PTPRT: variants seen among roughly 807,000 people sequenced by gnomAD.
The protein encoded by PTPRT is protein tyrosine phosphatase receptor type T.
A neutral mutation model predicts 176.8 loss-of-function variants in PTPRT; 56 were observed. That is an observed-to-expected ratio of 0.32 (90% CI 0.26 to 0.40). The LOEUF (loss-of-function observed/expected upper bound fraction) is 0.40. Among genes scored for constraint, PTPRT ranks in the 10% least tolerant of loss-of-function variants. The pLI, the probability that PTPRT is intolerant of heterozygous loss-of-function variation, is 1.00. For missense variants in PTPRT, 1,540 were observed against 1,908.2 expected (o/e 0.81, Z 3.60); for synonymous variants, 783 against 739.0 (o/e 1.06, Z -0.96).
chr20:42,891,783 A>G (rs2079196986), intron 1 of PTPRT, among the ~76,000 whole-genome samples: 1 of 152,340 alleles, frequency 6.6e-6, no homozygotes, highest in African/African-American at 2.4e-5. Context: ...CAGGCACTGT[A>G]TTTGAACTAT....
chr20:42,616,480 C>T lies in PTPRT; in HGVS notation c.1153+61386G>A, dbSNP rs1456332144. On this transcript the variant is annotated intron_variant, in intron 7 of 30. Transcript: ENST00000373187. ...TTTTTTCCAATTCTGTGAAGAAAGG[C>T]ATTGGTAGCTTGATGGGGATGGCAT... Among the ~76,000 whole-genome samples the T allele has an allele frequency of 3.9e-5, 5 of 128,422 alleles. 1 individual carries two copies. The highest frequency in any genetic ancestry group is 1.8e-4 in the African/African-American group (5 of 27,960). The allele number at this position is 128,422 out of a possible 152,430, so 84.2% of individuals were successfully genotyped here.
At chr20:42,303,348 G>C (rs2145319244) in intron 12 of PTPRT, among the ~76,000 whole-genome samples, 1 of 152,300 alleles carries the variant, frequency 6.6e-6, no homozygotes, top group African/African-American at 2.4e-5. Context: ...GGTGTTTCAA[G>C]ATTGACTGAG....
At chr20:42,951,352 G>A (rs2146017544) in intron 1 of PTPRT, among the ~76,000 whole-genome samples, 1 of 151,742 alleles carries the variant, frequency 6.6e-6, no homozygotes, top group Admixed American at 6.6e-5. Context: ...ATGGGCAGAT[G>A]GATAGATGGA....
chr20:42,768,129 T>G (rs772295304), intron 5 of PTPRT, among the ~76,000 whole-genome samples: 1 of 151,890 alleles, frequency 6.6e-6, no homozygotes, highest in Non-Finnish European at 1.5e-5. Context: ...GATGGCACGA[T>G]ATAAACTGTG....
In PTPRT at chr20:42,106,880, G is replaced by A; in HGVS notation, c.3296C>T (p.Thr1099Ile). The A allele has an allele frequency of 2.5e-6, 4 of 1,614,158 alleles. No individual in the cohort carries two copies. Among genetic ancestry groups the A allele is most frequent in the Non-Finnish European group, 3.4e-6 (4 of 1,180,022 alleles). ...TTCATTCTCGGCCATGTCAAGCATGGTGTCAATGGCAATGAAGCAGCCAGT... is the reference window on the plus strand; with the variant it reads ...TTCATTCTCGGCCATGTCAAGCATGATGTCAATGGCAATGAAGCAGCCAGT... ...GRTGCFIAID[T>I]MLDMAENEGV... Residue 1099 changes from threonine to isoleucine, a missense_variant, in exon 24 of 31, where the codon ACC becomes ATC. Around this residue, in one of 11 missense-constraint regions of PTPRT, gnomAD observed 248 missense variants for 356.7 expected, o/e 0.70. Transcript: ENST00000373187.
intron 9 of PTPRT, among the ~76,000 whole-genome samples, chr20:42,374,817 A>C (rs1302249745): frequency 1.3e-5 from 2 of 152,228 alleles, no homozygotes; most frequent in African/African-American, 4.8e-5. Context: ...ATGGGGTTTT[A>C]TATATCTTTT....
At position 42,081,983 on chromosome 20, in the gene PTPRT, T is replaced by C. The variant is rs1191239330; in HGVS notation, c.4171A>G (p.Ile1391Val). ...TGGATCATCTCACACACACTGCAGA[T>C]GGCACAGAAGGTTCCACTACGGCCT... ...GGGRSGTFCAICSVCEMIQQQ... is the reference protein window; with the variant it reads ...GGGRSGTFCAVCSVCEMIQQQ... The change falls in exon 30 of 31, where the codon ATC becomes GTC. Residue 1391 changes from isoleucine to valine, a missense_variant. Ile to Val is a conservative substitution (Grantham distance 29). Transcript: ENST00000373187. The C allele has an allele frequency of 6.2e-7, 1 of 1,614,214 alleles. No homozygotes were observed. Among genetic ancestry groups the C allele is most frequent in the Admixed American group, 1.7e-5 (1 of 60,032 alleles).
At chr20:42,794,135 T>A (rs1180401414) in intron 2 of PTPRT, among the ~76,000 whole-genome samples, 3 of 152,182 alleles carry the variant, frequency 2.0e-5, no homozygotes, top group African/African-American at 7.2e-5. Flanking sequence ...ATTGCCCTGT[T>A]CCATGTAGCT....
intron 16 of PTPRT, among the ~76,000 whole-genome samples, chr20:42,179,163 T>C (rs1467141117): frequency 6.6e-6 from 1 of 152,202 alleles, no homozygotes; most frequent in Admixed American, 6.5e-5. Flanking sequence ...AGAGGTAATG[T>C]CGATGAAAGA....
intron 7 of PTPRT, among the ~76,000 whole-genome samples, chr20:42,613,268 G>A (rs1569018195): frequency 6.6e-6 from 1 of 152,184 alleles, no homozygotes; most frequent in Non-Finnish European, 1.5e-5. Flanking sequence ...AACAGCAGCT[G>A]TCCATATGAT....
chr20:42,162,491 C>G lies in PTPRT; in HGVS notation c.2492-949G>C, dbSNP rs185224652. ...CTAGAACCAATTTCTTGCTTACCAC[C>G]TCCCTGCCAGGCATACATTCTTGAT... is the stretch of plus-strand genomic sequence containing the variant. On this transcript the variant is annotated intron_variant, in intron 16 of 30. Transcript: ENST00000373187. Among the ~76,000 whole-genome samples the G allele has an allele frequency of 4.2e-4, 64 of 152,338 alleles. No individual in the cohort carries two copies. In the East Asian group the frequency reaches 8.5e-3, roughly 20 times the overall value.
At chr20:43,166,588 G>C (rs1250776203) in intron 1 of PTPRT, among the ~76,000 whole-genome samples, 1 of 152,202 alleles carries the variant, frequency 6.6e-6, no homozygotes, top group East Asian at 1.9e-4. Flanking sequence ...AGTCAATACT[G>C]TCTGTACATC....
intron 7 of PTPRT, among the ~76,000 whole-genome samples, chr20:42,595,340 C>T (rs548586069): frequency 3.3e-5 from 5 of 152,172 alleles, no homozygotes; most frequent in Admixed American, 2.6e-4. Context: ...CTGCTCAGTG[C>T]ACTGTAGGAT....
At chr20:42,179,313 G>A (rs938012274) in intron 16 of PTPRT, among the ~76,000 whole-genome samples, 3 of 152,160 alleles carry the variant, frequency 2.0e-5, no homozygotes, top group Non-Finnish European at 4.4e-5. Context: ...ATTCATGAAA[G>A]CTTCTAAAGT....
At chr20:42,328,969 A>G (rs2057925010) in intron 11 of PTPRT, among the ~76,000 whole-genome samples, 1 of 152,198 alleles carries the variant, frequency 6.6e-6, no homozygotes, top group Non-Finnish European at 1.5e-5. Flanking sequence ...GAAAACACAC[A>G]CACCACACAC....
chr20:42,666,713 G>A (rs2075322938), intron 7 of PTPRT, among the ~76,000 whole-genome samples: 1 of 152,170 alleles, frequency 6.6e-6, no homozygotes, highest in Admixed American at 6.5e-5. Flanking sequence ...CTTTGTAGGT[G>A]TTTGTATTTT....
At chr20:42,501,957 G>A (rs897012685) in intron 7 of PTPRT, among the ~76,000 whole-genome samples, 4 of 151,980 alleles carry the variant, frequency 2.6e-5, no homozygotes, top group Admixed American at 6.6e-5. Context: ...TTCTCTGAAA[G>A]AGTATGCAAA....
At chr20:42,692,089 G>C (rs3091680) in intron 6 of PTPRT, among the ~76,000 whole-genome samples, 3,724 of 152,252 alleles carry the variant, frequency 0.024, 176 homozygotes, top group African/African-American at 0.086. Context: ...CTGCTTGAAG[G>C]TGTTGGGTAG....
chr20:42,660,584 G>T (rs2075205248), intron 7 of PTPRT, among the ~76,000 whole-genome samples: 1 of 152,032 alleles, frequency 6.6e-6, no homozygotes. Context: ...TTTCATTGTT[G>T]TGTGTATATT....
Sources: allele counts gnomAD v4.1 joint callset (sites outside exome capture counted in the v4.1 genomes callset), GRCh38; gene constraint gnomAD v4.1.1; regional missense constraint gnomAD v4.1.1; transcripts MANE v1.5; gene names NCBI Gene and HGNC (gene_info 2026-07-23, HGNC 2026-07-21).